Variants in SMG6 observed in about 807,000 individuals in gnomAD.
SMG6 encodes the protein telomerase-binding protein EST1A.
Under a neutral mutation model 142.2 loss-of-function variants are expected in SMG6, and 66 were observed. The observed-to-expected ratio is 0.46, with a 90% CI of 0.38 to 0.57. The LOEUF (loss-of-function observed/expected upper bound fraction) is 0.57. Ranked by LOEUF, SMG6 falls within the 20% of genes least tolerant of loss-of-function variation. SMG6 has a pLI of 0.00. For missense variants in SMG6, 1,793 were observed against 1,832.0 expected, an observed-to-expected ratio of 0.98 and a Z score of 0.39; for synonymous variants, 779 against 702.4, an observed-to-expected ratio of 1.11 and a Z score of -1.72.
At chr17:2,117,684 A>G (rs2069549634) in intron 13 of SMG6, 1 of 152,268 alleles carries the variant, frequency 6.6e-6, no homozygotes, top group Non-Finnish European at 1.5e-5. Context: ...AATGTTGTTA[A>G]GATGTCAATT....
chr17:2,165,379 T>C (rs753323502), intron 13 of SMG6, among the ~76,000 whole-genome samples: 4 of 152,364 alleles, frequency 2.6e-5, no homozygotes, highest in East Asian at 1.9e-4. Context: ...AATTCATTTA[T>C]TGACATTGCA....
At chr17:2,215,840 G>A (rs1338109536) in intron 10 of SMG6, 1 of 151,888 alleles carries the variant, frequency 6.6e-6, no homozygotes, top group Admixed American at 6.6e-5. Context: ...TAAAGCATGA[G>A]GGAGGGGAGT....
At chr17:2,267,272 A>G (rs942230315) in intron 8 of SMG6, among the ~76,000 whole-genome samples, 5 of 151,908 alleles carry the variant, frequency 3.3e-5, no homozygotes. Context: ...TGGAGCAGTC[A>G]AGACTCACTG....
chr17:2,159,579 G>A (rs768329402), intron 13 of SMG6, among the ~76,000 whole-genome samples: 2 of 152,154 alleles, frequency 1.3e-5, no homozygotes, highest in Non-Finnish European at 2.9e-5. Context: ...GCTAGTGGGA[G>A]TATAAAAGGG....
At position 2,300,617 on chromosome 17, in the gene SMG6, G is replaced by A. The variant is rs1371535638; in HGVS notation, c.136C>T (p.Arg46Cys). 5 of 1,608,068 alleles carry A rather than the reference G, an allele frequency of 3.1e-6. No homozygotes were observed. The highest frequency in any genetic ancestry group is 1.1e-5 in the South Asian group (1 of 90,110). ...GGCTTATAGATTTCCAGATCTGGAC[G>A]CCTGTTATCTTTGCGCGGCCTGGCC... ...KEARPRKDNRRPDLEIYKPGL... is the reference protein window; with the variant it reads ...KEARPRKDNRCPDLEIYKPGL... Residue 46 changes from arginine to cysteine, a missense_variant, in exon 2 of 19, where the codon CGT becomes TGT. Transcript: ENST00000263073.
intron 1 of SMG6, chr17:2,303,380 C>T (rs1192229714): frequency 8.1e-7 from 1 of 1,235,652 alleles, no homozygotes; most frequent in Non-Finnish European, 1.0e-6. Context: ...CAGTCACCTT[C>T]GCGGCGAGAA....
chr17:2,188,384 ACTC>A lies in SMG6; in HGVS notation c.2986+12_2986+14del, dbSNP rs757878665. ...AACTGGAAAGCCCACCAGGCTGGGG[ACTC>A]CTCCTGCTTACCTTTGGCGGACTCC... is the stretch of plus-strand genomic sequence containing the variant. On this transcript the variant is annotated intron_variant, in intron 11 of 18. Transcript: ENST00000263073. 13 of 1,610,378 alleles carry A rather than the reference ACTC, an allele frequency of 8.1e-6. No individual in the cohort carries two copies. The highest frequency in any genetic ancestry group is 3.3e-5 in the Admixed American group (2 of 59,870).
chr17:2,199,029 G>A lies in SMG6; in HGVS notation c.2870-10514C>T, dbSNP rs2072428271. On this transcript the variant is annotated intron_variant, in intron 10 of 18. Coordinates refer to ENST00000263073, the MANE Select transcript of SMG6 (RefSeq NM_017575.5). ...CTAAAGAATAAGGAGTATAGCAAGA[G>A]AACGTCATCGTCAAGGCCGTGAATC... 3.4e-5 allele frequency among the ~76,000 whole-genome samples: 5 copies of A among 149,220 alleles called. No individual in the cohort carries two copies. The South Asian group carries it at 1.1e-3, about 32-fold the overall frequency.
At chr17:2,283,404 T>C (rs1456366138) in intron 7 of SMG6, among the ~76,000 whole-genome samples, 1 of 152,190 alleles carries the variant, frequency 6.6e-6, no homozygotes. Context: ...CACAGTTTTG[T>C]TCTGCACAGG....
At chr17:2,275,082 A>G (rs1477133612) in intron 8 of SMG6, among the ~76,000 whole-genome samples, 2 of 151,684 alleles carry the variant, frequency 1.3e-5, no homozygotes, top group Non-Finnish European at 2.9e-5. Flanking sequence ...CTTTTTAATT[A>G]TGTCACTGAG....
chr17:2,122,318 T>A (rs2069727183), intron 13 of SMG6: 1 of 151,938 alleles, frequency 6.6e-6, no homozygotes, highest in Non-Finnish European at 1.5e-5. Context: ...ATCAATCACA[T>A]CACTAAAAAA....
chr17:2,269,091 C>T, intron 8 of SMG6, among the ~76,000 whole-genome samples: 1 of 151,632 alleles, frequency 6.6e-6, no homozygotes, highest in East Asian at 1.9e-4. Context: ...GTAGTCCCAG[C>T]TACTCATAGT....
At chr17:2,227,630 A>G (rs1485402522) in intron 10 of SMG6, among the ~76,000 whole-genome samples, 3 of 152,218 alleles carry the variant, frequency 2.0e-5, no homozygotes, top group Non-Finnish European at 4.4e-5. Context: ...GGGATGATGG[A>G]AACGCTCTCT....
At chr17:2,232,670 C>T (rs1244958747) in intron 10 of SMG6, 2 of 152,270 alleles carry the variant, frequency 1.3e-5, no homozygotes, top group East Asian at 3.9e-4. Context: ...TGACGTAGGA[C>T]TCTGCATAGG....
At chr17:2,082,204 C>T in intron 14 of SMG6, 1 of 506,648 alleles carries the variant, frequency 2.0e-6, no homozygotes, top group Non-Finnish European at 3.6e-6. Context: ...CACCATAAGT[C>T]ACTCGCAATC....
At chr17:2,106,619 A>G (rs2069162965) in intron 13 of SMG6, among the ~76,000 whole-genome samples, 1 of 152,176 alleles carries the variant, frequency 6.6e-6, no homozygotes, top group Non-Finnish European at 1.5e-5. Flanking sequence ...CAAGGGCAAA[A>G]TTAACCAGAC....
chr17:2,166,022 G>T (rs2151636120), intron 13 of SMG6, among the ~76,000 whole-genome samples: 1 of 152,246 alleles, frequency 6.6e-6, no homozygotes, highest in Middle Eastern at 3.4e-3. Context: ...GACCAGCCTG[G>T]CCGACATAGC....
intron 12 of SMG6, among the ~76,000 whole-genome samples, chr17:2,179,893 C>G (rs1343485973): frequency 6.6e-6 from 1 of 152,186 alleles, no homozygotes; most frequent in Non-Finnish European, 1.5e-5. Context: ...AGACCAGGAC[C>G]TGGGTTCAAG....
rs2075207398 is a variant in SMG6 at position 2,298,976 on chromosome 17, G to A, written c.1777C>T (p.Leu593=). The part of the protein sequence containing the change: ...RLLRVADNQE[L]QLSNLLSRDR... ...CTGGAGAGCAGGTTGCTGAGCTGCAGTTCCTGGTTGTCAGCCACCCGGAGA... is the reference window on the plus strand; with the variant it reads ...CTGGAGAGCAGGTTGCTGAGCTGCAATTCCTGGTTGTCAGCCACCCGGAGA... Residue 593 remains leucine (L), a synonymous_variant, in exon 2 of 19, where the codon CTG becomes TTG. Coordinates refer to ENST00000263073, the MANE Select transcript of SMG6 (RefSeq NM_017575.5). 6.2e-7 allele frequency: 1 copy of A among 1,614,062 alleles called. No homozygotes were observed. Among genetic ancestry groups the A allele is most frequent in the Non-Finnish European group, 8.5e-7 (1 of 1,180,044 alleles).
Sources: allele counts gnomAD v4.1 joint callset (sites outside exome capture counted in the v4.1 genomes callset), GRCh38; gene constraint gnomAD v4.1.1; transcripts MANE v1.5; gene names NCBI Gene and HGNC (gene_info 2026-07-23, HGNC 2026-07-21).